The following PPP1CA variants were observed in gnomAD, a reference collection of about 807,000 sequenced individuals.
The protein encoded by PPP1CA is protein phosphatase 1 catalytic subunit alpha.
A neutral mutation model predicts 38.5 loss-of-function variants in PPP1CA; 14 were observed. That is an observed-to-expected ratio of 0.36 (90% CI 0.24 to 0.57). PPP1CA has a LOEUF of 0.57. Ranked by LOEUF, PPP1CA falls within the 20% of genes least tolerant of loss-of-function variation. PPP1CA has a pLI of 0.80. For missense variants in PPP1CA, 277 were observed against 435.2 expected (o/e 0.64, Z 3.23); for synonymous variants, 200 against 177.3 (o/e 1.13, Z -1.02).
Position 67,399,174 on chromosome 11 carries a change from G to C in PPP1CA, c.524-11C>G. 3 of 1,606,816 alleles carry C rather than the reference G, an allele frequency of 1.9e-6. No homozygotes were observed. The highest frequency in any genetic ancestry group is 1.7e-4 in the Middle Eastern group (1 of 6,042). ...GGTCCGGGGACAGGCCTGGGGGGCC[G>C]GGGGAAGGTCACTTCCTCAAACAAG... On this transcript the variant is annotated splice_polypyrimidine_tract_variant and intron_variant, in intron 4 of 6. Coordinates refer to ENST00000376745, the MANE Select transcript of PPP1CA (RefSeq NM_002708.4).
intron 3 of PPP1CA, 74 bp downstream of exon 3, chr11:67,400,614 CA>C: frequency 2.1e-6 from 3 of 1,399,828 alleles, no homozygotes; most frequent in South Asian, 1.2e-5. Flanking sequence ...GATATCAGGC[CA>C]ATGTGAAGGT....
Position 67,398,297 on chromosome 11 carries a change from G to A in PPP1CA, c.*238C>T. On this transcript the variant is annotated 3_prime_UTR_variant, in exon 7 of 7. Transcript: ENST00000376745. ...CCACGACCTGGCCTGCCGTTGCCCT[G>A]AGCTGCAGCCTCGGCCCCAGGATCC... The A allele has an allele frequency of 1.8e-6, 1 of 554,346 alleles. No individual in the cohort carries two copies. Among genetic ancestry groups the A allele is most frequent in the Non-Finnish European group, 3.2e-6 (1 of 315,872 alleles). 34.3% of individuals were successfully genotyped at this position (554,346 alleles called of 1,614,324 possible).
At position 67,399,224 on chromosome 11, in the gene PPP1CA, G is replaced by A. The variant is rs563014396; in HGVS notation, c.524-61C>T. ...GGACATCCTCCCTCCAGGAAGCCTT[G>A]GCCAATGAACCCCACCTTTCCCACC... On this transcript the variant is annotated intron_variant, in intron 4 of 6. Transcript: ENST00000376745. The A allele has an allele frequency of 1.5e-5, 22 of 1,486,628 alleles. No individual in the cohort carries two copies. The African/African-American group carries it at 2.6e-4, about 18-fold the overall frequency. 92.1% of individuals were successfully genotyped at this position (1,486,628 alleles called of 1,614,324 possible). A position where few individuals can be genotyped will look rare whatever the true frequency, so the allele number is the denominator to read the frequency against.
rs750609820 is a variant in PPP1CA at position 67,399,021 on chromosome 11, G to T, written c.666C>A (p.Gly222=). ...CCTCGGCTCCAAAGGTAAAAGAGAC[G>T]CCACGGTCGTTCTCGCCCCAGCCCT... is the stretch of plus-strand genomic sequence containing the variant. ...DVQGWGENDR[G]VSFTFGAEVV... is the part of the protein sequence containing the mutation. The change falls in exon 5 of 7, where the codon GGC becomes GGA. Residue 222 remains glycine, a synonymous_variant. Coordinates refer to ENST00000376745, the MANE Select transcript of PPP1CA (RefSeq NM_002708.4). 1 of 1,613,376 alleles carries T rather than the reference G, an allele frequency of 6.2e-7. No individual in the cohort carries two copies. The highest frequency in any genetic ancestry group is 1.3e-5 in the African/African-American group (1 of 74,922).
chr11:67,400,215 G>A, intron 3 of PPP1CA, among the ~76,000 whole-genome samples: 1 of 152,310 alleles, frequency 6.6e-6, no homozygotes, highest in Non-Finnish European at 1.5e-5. Flanking sequence ...ACTGTAACTT[G>A]GAGCTTCTGG....
chr11:67,401,749 T>A lies in PPP1CA; in HGVS notation c.34A>T (p.Ile12Phe). 6.8e-7 allele frequency: 1 copy of A among 1,479,106 alleles called. No homozygotes were observed. The highest frequency in any genetic ancestry group is 9.0e-7 in the Non-Finnish European group (1 of 1,106,240). 91.6% of individuals were successfully genotyped at this position (1,479,106 alleles called of 1,614,324 possible). ...CAACCTTCCAGCAGGCGCCCGATGATCGAGTCCAGGTTGAGCTTCTCGCTG... is the reference window on the plus strand; with the variant it reads ...CAACCTTCCAGCAGGCGCCCGATGAACGAGTCCAGGTTGAGCTTCTCGCTG... ...SDSEKLNLDS[I>F]IGRLLEVQGS... Residue 12 changes from isoleucine to phenylalanine, a missense_variant, in exon 1 of 7, where the codon ATC (isoleucine) becomes TTC (phenylalanine). Ile to Phe is a conservative substitution (Grantham distance 21). Coordinates refer to ENST00000376745, the MANE Select transcript of PPP1CA (RefSeq NM_002708.4).
chr11:67,401,586 G>T (rs114379450), intron 1 of PPP1CA, 142 bp downstream of exon 1: 97 of 721,044 alleles, frequency 1.3e-4, no homozygotes, highest in Non-Finnish European at 2.1e-5. Flanking sequence ...GCGCGTCCGC[G>T]GGGGGGCAGC....
At chr11:67,400,660 G>A (rs748099937) in intron 3 of PPP1CA, 29 bp downstream of exon 3, 1 of 1,604,654 alleles carries the variant, frequency 6.2e-7, no homozygotes, top group African/African-American at 1.3e-5. Context: ...TTCAGGACCC[G>A]GGCAGCCCCA....
intron 3 of PPP1CA, 77 bp downstream of exon 3, chr11:67,400,612 G>A (rs1160164202): frequency 8.7e-6 from 12 of 1,382,998 alleles, no homozygotes; most frequent in Non-Finnish European, 1.1e-5. Flanking sequence ...CAGATATCAG[G>A]CCAATGTGAA....
intron 5 of PPP1CA, 28 bp from the exon 6 acceptor site, chr11:67,398,884 C>G (rs367673223): frequency 2.5e-6 from 4 of 1,611,658 alleles, no homozygotes; most frequent in Non-Finnish European, 3.4e-6. Context: ...CAGTCAGTCC[C>G]GAGCGCAGGC....
At chr11:67,399,415 A>G (rs1862830408) in intron 4 of PPP1CA, 146 bp downstream of exon 4, 2 of 762,232 alleles carry the variant, frequency 2.6e-6, no homozygotes, top group Non-Finnish European at 2.2e-6. Flanking sequence ...TAGGACACAC[A>G]TCAAGGAAGT....
chr11:67,399,224 G>T, intron 4 of PPP1CA, 61 bp from the exon 5 acceptor site: 1 of 1,486,628 alleles, frequency 6.7e-7, no homozygotes, highest in Non-Finnish European at 9.3e-7. Flanking sequence ...AGGAAGCCTT[G>T]GCCAATGAAC....
Position 67,399,683 on chromosome 11 carries a change from G to A in PPP1CA, c.419-18C>T, listed in dbSNP as rs745441163. On this transcript the variant is annotated intron_variant, in intron 3 of 6. Transcript: ENST00000376745. Reference sequence around the variant, plus strand: ...TCTCTTGCCTGCCCAGGGGGAGGTGGCTGTGAGGTGCCTGCCTACCCCACC... The same window carrying A: ...TCTCTTGCCTGCCCAGGGGGAGGTGACTGTGAGGTGCCTGCCTACCCCACC... The A allele has an allele frequency of 3.8e-6, 6 of 1,596,114 alleles. No homozygotes were observed. In the African/African-American group the frequency reaches 8.1e-5, roughly 21 times the overall value.
At chr11:67,401,034 TA>T in intron 2 of PPP1CA, 33 bp downstream of exon 2, 1 of 1,612,228 alleles carries the variant, frequency 6.2e-7, no homozygotes, top group Non-Finnish European at 8.5e-7. Context: ...GTGCCACTTT[TA>T]GGAAGGCAAG....
rs5031044 is a variant in PPP1CA, at chr11:67,398,461, A to AC, written c.*73dup. 7.7e-3 allele frequency: 10,509 copies of AC among 1,373,264 alleles called. 19 individuals are homozygous for AC. Among genetic ancestry groups the AC allele is most frequent in the South Asian group, 0.012 (933 of 76,830 alleles). The allele number at this position is 1,373,264 out of a possible 1,614,324, so 85.1% of individuals were successfully genotyped here. Reference sequence around the variant, plus strand: ...CAGGTGGGCCTGAGGGGTCGGGGTGACCCCCCCCCAGCATGGCAGCATGAT... The same window carrying AC: ...CAGGTGGGCCTGAGGGGTCGGGGTGACCCCCCCCCCAGCATGGCAGCATGAT... On this transcript the variant is annotated 3_prime_UTR_variant, in exon 7 of 7. Transcript: ENST00000376745.
intron 2 of PPP1CA, 72 bp downstream of exon 2, chr11:67,400,996 G>GA: frequency 6.2e-7 from 1 of 1,608,634 alleles, no homozygotes; most frequent in Non-Finnish European, 8.5e-7. Flanking sequence ...CTCAAGGGAG[G>GA]AGGGCTCCAG....
At chr11:67,399,261 C>T (rs2134981086) in intron 4 of PPP1CA, 98 bp from the exon 5 acceptor site, 1 of 1,125,710 alleles carries the variant, frequency 8.9e-7, no homozygotes, top group Non-Finnish European at 1.3e-6. Context: ...CCCTCCTGGT[C>T]CCGCCACTGG....
At position 67,401,157 on chromosome 11, in the gene PPP1CA, TTC is replaced by T; in HGVS notation, c.96_97del (p.Asn33ArgfsTer31). On this transcript the variant is annotated frameshift_variant, in exon 2 of 7. Coordinates refer to ENST00000376745, the MANE Select transcript of PPP1CA (RefSeq NM_002708.4). LOFTEE classifies it high-confidence loss of function. ...TTTCAGGCACAGACCGCGGATCTCGTTCTCTGTCAGCTGTACATTCTTGCCAG... is the reference window on the plus strand; with the variant it reads ...TTTCAGGCACAGACCGCGGATCTCGTTCTGTCAGCTGTACATTCTTGCCAG... 4 of 1,613,956 alleles carry T rather than the reference TTC, an allele frequency of 2.5e-6. No homozygotes were observed. Among genetic ancestry groups the T allele is most frequent in the Non-Finnish European group, 2.5e-6 (3 of 1,179,988 alleles).
In PPP1CA at chr11:67,401,059, G is replaced by A. The variant is rs1760541900; in HGVS notation, c.187+9C>T. 2 of 1,613,490 alleles carry A rather than the reference G, an allele frequency of 1.2e-6. No homozygotes were observed. Among genetic ancestry groups the A allele is most frequent in the Non-Finnish European group, 8.5e-7 (1 of 1,179,776 alleles). On this transcript the variant is annotated intron_variant, in intron 2 of 6. Coordinates refer to ENST00000376745, the MANE Select transcript of PPP1CA (RefSeq NM_002708.4). ...TAGGAAGGCAAGGGGACCTGGGCCG[G>A]GGGCTCACCGCAGATCTTGAGGGGT...
Sources: allele counts gnomAD v4.1 joint callset (sites outside exome capture counted in the v4.1 genomes callset), GRCh38; gene constraint gnomAD v4.1.1; transcripts MANE v1.5; gene names NCBI Gene and HGNC (gene_info 2026-07-23, HGNC 2026-07-21).